KCNQ5: variants seen among roughly 807,000 people sequenced by gnomAD.
The protein encoded by KCNQ5 is potassium voltage-gated channel subfamily Q member 5.
In KCNQ5, 30 loss-of-function variants were observed where a neutral mutation model predicts 98.2. The observed-to-expected ratio is 0.31, with a 90% CI of 0.23 to 0.41. The LOEUF (loss-of-function observed/expected upper bound fraction) is 0.41. Among genes scored for constraint, KCNQ5 ranks in the 10% least tolerant of loss-of-function variants. The pLI is 1.00. For synonymous variants in KCNQ5, 458 were observed against 449.4 expected (o/e 1.02, Z -0.24); for missense variants, 835 against 1,182.5 (o/e 0.71, Z 4.31).
chr6:72,666,046 A>G (rs1462688639), intron 1 of KCNQ5, among the ~76,000 whole-genome samples: 2 of 152,206 alleles, frequency 1.3e-5, no homozygotes, highest in Non-Finnish European at 2.9e-5. Flanking sequence ...CAGGAGTTCT[A>G]TAAACGGGTT....
At chr6:73,028,370 A>G (rs1770984948) in intron 2 of KCNQ5, among the ~76,000 whole-genome samples, 2 of 152,150 alleles carry the variant, frequency 1.3e-5, no homozygotes, top group Admixed American at 1.3e-4. Context: ...CAAACGAGAG[A>G]GGCAAGAGTT....
At chr6:72,799,028 G>T (rs993812801) in intron 1 of KCNQ5, among the ~76,000 whole-genome samples, 2 of 152,008 alleles carry the variant, frequency 1.3e-5, no homozygotes, top group Admixed American at 6.6e-5. Flanking sequence ...GGCAAAGAGT[G>T]GTGTATCAGC....
rs186760122 is a variant in KCNQ5 at position 73,027,309 on chromosome 6, G to T, written c.490-14627G>T. ...GGTCCAGCTTGTCATGCTTTGCTAG[G>T]CTAAGGGCTGCCTCCACAGATTGCA... On this transcript the variant is annotated intron_variant, in intron 2 of 13. Coordinates refer to ENST00000370398, the MANE Select transcript of KCNQ5 (RefSeq NM_019842.4). Among the ~76,000 whole-genome samples the T allele has an allele frequency of 1.8e-3, 275 of 152,292 alleles. 2 individuals are homozygous for T. Among genetic ancestry groups the T allele is most frequent in the African/African-American group, 6.5e-3 (270 of 41,558 alleles).
chr6:72,886,031 A>G (rs540445494), intron 1 of KCNQ5, among the ~76,000 whole-genome samples: 4 of 152,208 alleles, frequency 2.6e-5, no homozygotes, highest in Non-Finnish European at 5.9e-5. Context: ...TATCTGGGAG[A>G]ATAACCTTTA....
chr6:72,949,863 A>T (rs925153933), intron 1 of KCNQ5, among the ~76,000 whole-genome samples: 1 of 152,200 alleles, frequency 6.6e-6, no homozygotes, highest in Non-Finnish European at 1.5e-5. Context: ...AATTTTTTTT[A>T]AATGGTTATC....
intron 1 of KCNQ5, among the ~76,000 whole-genome samples, chr6:72,977,801 A>G (rs1292298595): frequency 6.6e-6 from 1 of 152,184 alleles, no homozygotes; most frequent in Non-Finnish European, 1.5e-5. Context: ...TTTATGTAAT[A>G]ATACGTTGTT....
At chr6:72,642,021 A>G (rs1440283723) in intron 1 of KCNQ5, among the ~76,000 whole-genome samples, 1 of 151,400 alleles carries the variant, frequency 6.6e-6, no homozygotes, top group Non-Finnish European at 1.5e-5. Context: ...CCTGATTCAG[A>G]GCTACTTCGT....
intron 9 of KCNQ5, 108 bp from the exon 10 acceptor site, chr6:73,133,313 A>T: frequency 1.1e-6 from 1 of 912,630 alleles, no homozygotes; most frequent in Non-Finnish European, 1.7e-6. Context: ...TGCTGAAAAC[A>T]TCTTGTCTAT....
intron 1 of KCNQ5, among the ~76,000 whole-genome samples, chr6:72,818,516 T>C (rs1775602445): frequency 6.6e-6 from 1 of 151,922 alleles, no homozygotes; most frequent in African/African-American, 2.4e-5. Flanking sequence ...TTATAAAAGC[T>C]AAGATCAGGT....
chr6:73,005,138 G>T (rs1315919521), intron 2 of KCNQ5, among the ~76,000 whole-genome samples: 1 of 152,158 alleles, frequency 6.6e-6, no homozygotes, highest in African/African-American at 2.4e-5. Flanking sequence ...CATACAAATT[G>T]TGCTCCAGCA....
At chr6:72,696,700 A>G (rs1201814537) in intron 1 of KCNQ5, among the ~76,000 whole-genome samples, 3 of 152,208 alleles carry the variant, frequency 2.0e-5, no homozygotes, top group Non-Finnish European at 4.4e-5. Context: ...AAAAATATAT[A>G]GTAAGCTGGG....
At chr6:72,958,133 A>C (rs1168353622) in intron 1 of KCNQ5, among the ~76,000 whole-genome samples, 3 of 151,894 alleles carry the variant, frequency 2.0e-5, no homozygotes, top group Non-Finnish European at 4.4e-5. Context: ...ATTCTGACTC[A>C]TGTTACATGG....
intron 1 of KCNQ5, among the ~76,000 whole-genome samples, chr6:72,824,616 T>C (rs1341633202): frequency 6.6e-6 from 1 of 152,106 alleles, no homozygotes; most frequent in Non-Finnish European, 1.5e-5. Context: ...TGCAGCCTAA[T>C]GATAAGGAGA....
intron 10 of KCNQ5, among the ~76,000 whole-genome samples, chr6:73,154,434 C>T (rs765736579): frequency 2.0e-5 from 3 of 152,076 alleles, no homozygotes; most frequent in Non-Finnish European, 4.4e-5. Flanking sequence ...TGAAGTAATG[C>T]TATCTTGCTG....
chr6:72,641,794 T>A (rs1253801320), intron 1 of KCNQ5, among the ~76,000 whole-genome samples: 1 of 152,082 alleles, frequency 6.6e-6, no homozygotes, highest in African/African-American at 2.4e-5. Context: ...ATTTTCTGCC[T>A]GGGTCATGTA....
chr6:73,122,373 A>G (rs1369668832), intron 8 of KCNQ5, among the ~76,000 whole-genome samples: 1 of 152,188 alleles, frequency 6.6e-6, no homozygotes, highest in East Asian at 1.9e-4. Context: ...ATAATGAGTC[A>G]AATTCCCCCA....
chr6:72,891,777 C>T (rs1779067070), intron 1 of KCNQ5, among the ~76,000 whole-genome samples: 1 of 152,090 alleles, frequency 6.6e-6, no homozygotes, highest in Non-Finnish European at 1.5e-5. Flanking sequence ...AAAATATAAT[C>T]GCTATTATCA....
intron 1 of KCNQ5, among the ~76,000 whole-genome samples, chr6:72,959,593 A>G (rs1336678137): frequency 2.6e-5 from 4 of 152,232 alleles, no homozygotes; most frequent in Non-Finnish European, 5.9e-5. Context: ...AGTAGCGAAC[A>G]ATATTCTTTT....
At chr6:72,799,642 C>T in intron 1 of KCNQ5, among the ~76,000 whole-genome samples, 1 of 152,194 alleles carries the variant, frequency 6.6e-6, no homozygotes, top group East Asian at 1.9e-4. Context: ...TGAGATCAAA[C>T]ACGGAGGTTC....
Sources: allele counts gnomAD v4.1 joint callset (sites outside exome capture counted in the v4.1 genomes callset), GRCh38; gene constraint gnomAD v4.1.1; transcripts MANE v1.5; gene names NCBI Gene and HGNC (gene_info 2026-07-23, HGNC 2026-07-21).